The following IFT43 variants were observed in gnomAD, a reference collection of about 807,000 sequenced individuals.
IFT43 encodes intraflagellar transport 43, also known as intraflagellar transport protein 43 homolog.
IFT43 carries 33 observed loss-of-function variants against 32.3 expected under a neutral mutation model. The observed-to-expected ratio is 1.02, with a 90% CI of 0.77 to 1.37. The LOEUF is 1.37. Ranked by LOEUF, IFT43 falls within the 40% of genes most tolerant of loss-of-function variation. The pLI, the probability that IFT43 is intolerant of heterozygous loss-of-function variation, is 0.00. For synonymous variants in IFT43, 93 were observed against 98.2 expected (o/e 0.95, Z 0.31); for missense variants, 274 against 265.9 (o/e 1.03, Z -0.21).
chr14:75,992,505 A>T (rs970035310), intron 2 of IFT43, among the ~76,000 whole-genome samples: 1 of 152,138 alleles, frequency 6.6e-6, no homozygotes, highest in African/African-American at 2.4e-5. Context: ...CTACTCATTT[A>T]TCCATAGGTT....
intron 1 of IFT43, among the ~76,000 whole-genome samples, chr14:75,988,519 T>A (rs1449099102): frequency 2.9e-4 from 1 of 3,508 alleles, no homozygotes; most frequent in African/African-American, 7.9e-3. Context: ...CTTGTCATCT[T>A]TTTTTTTGTT....
In IFT43 at chr14:75,988,927, G is replaced by C; in HGVS notation, c.97G>C (p.Ala33Pro). ...CCGAGCTCAACAGGAGTCAGCGCAGGCCGAGAATCACCTCAATGGCAAGAA... is the reference window on the plus strand; with the variant it reads ...CCGAGCTCAACAGGAGTCAGCGCAGCCCGAGAATCACCTCAATGGCAAGAA... ...GRRAQQESAQ[A>P]ENHLNGKNSS... The change falls in exon 2 of 9, where the codon GCC (alanine) becomes CCC (proline). Residue 33 changes from alanine (A) to proline (P), a missense_variant. Transcript: ENST00000314067. The C allele has an allele frequency of 6.2e-7, 1 of 1,614,042 alleles. No individual in the cohort carries two copies.
intron 5 of IFT43, among the ~76,000 whole-genome samples, chr14:76,075,625 GA>G (rs1346668307): frequency 6.6e-6 from 1 of 152,242 alleles, no homozygotes; most frequent in East Asian, 1.9e-4. Context: ...CACAGGGACA[GA>G]ATTTGCTGAA....
At chr14:76,016,798 T>G (rs1224848707) in intron 2 of IFT43, among the ~76,000 whole-genome samples, 1 of 152,146 alleles carries the variant, frequency 6.6e-6, no homozygotes, top group African/African-American at 2.4e-5. Context: ...TAAGTATTTT[T>G]TTTGTAGCTA....
chr14:76,064,303 T>C (rs1294680455), intron 5 of IFT43, among the ~76,000 whole-genome samples: 1 of 152,246 alleles, frequency 6.6e-6, no homozygotes, highest in Non-Finnish European at 1.5e-5. Context: ...TTACCAGTGC[T>C]AAATTGTCAC....
intron 3 of IFT43, among the ~76,000 whole-genome samples, chr14:76,041,600 A>G (rs1024955179): frequency 1.3e-5 from 2 of 152,228 alleles, no homozygotes; most frequent in Non-Finnish European, 2.9e-5. Flanking sequence ...TAGCTCTTTA[A>G]TGACGTAAAA....
chr14:76,032,838 G>T (rs1196334187), intron 3 of IFT43, among the ~76,000 whole-genome samples: 1 of 152,212 alleles, frequency 6.6e-6, no homozygotes, highest in African/African-American at 2.4e-5. Flanking sequence ...CATTTTGGAG[G>T]TAGAGTTAAT....
chr14:76,016,874 A>C (rs997160213), intron 2 of IFT43, among the ~76,000 whole-genome samples: 7 of 152,146 alleles, frequency 4.6e-5, no homozygotes, highest in Non-Finnish European at 1.0e-4. Context: ...TAAAAACACT[A>C]CTGATTTTTG....
At chr14:76,012,024 T>C (rs2139927170) in intron 2 of IFT43, among the ~76,000 whole-genome samples, 1 of 152,340 alleles carries the variant, frequency 6.6e-6, no homozygotes, top group East Asian at 1.9e-4. Context: ...TAATGTAAGA[T>C]TGAATGTGGG....
chr14:75,998,334 T>A (rs1427621287), intron 2 of IFT43, among the ~76,000 whole-genome samples: 1 of 152,166 alleles, frequency 6.6e-6, no homozygotes, highest in Non-Finnish European at 1.5e-5. Context: ...TGCATGGGAC[T>A]TGTGTATACC....
chr14:76,008,225 A>C (rs1314357890), intron 2 of IFT43, among the ~76,000 whole-genome samples: 1 of 152,158 alleles, frequency 6.6e-6, no homozygotes, highest in Non-Finnish European at 1.5e-5. Context: ...GGGAAGCTGG[A>C]ATAGATAATT....
At chr14:76,030,744 A>G (rs771219281) in intron 3 of IFT43, among the ~76,000 whole-genome samples, 3 of 152,164 alleles carry the variant, frequency 2.0e-5, no homozygotes, top group Non-Finnish European at 4.4e-5. Context: ...CATACAGGTT[A>G]AGATATCAAT....
At chr14:76,024,230 AG>A (rs1484866787) in intron 3 of IFT43, among the ~76,000 whole-genome samples, 1 of 152,148 alleles carries the variant, frequency 6.6e-6, no homozygotes, top group Non-Finnish European at 1.5e-5. Context: ...TCCACATCTC[AG>A]GGATGGTTTC....
intron 5 of IFT43, among the ~76,000 whole-genome samples, chr14:76,074,857 C>A (rs1032564297): frequency 6.6e-6 from 1 of 152,192 alleles, no homozygotes; most frequent in Admixed American, 6.5e-5. Flanking sequence ...AGAAACCAAA[C>A]TCAGTCCAAA....
intron 5 of IFT43, among the ~76,000 whole-genome samples, chr14:76,079,299 A>T (rs185479895): frequency 6.6e-6 from 1 of 152,378 alleles, no homozygotes; most frequent in African/African-American, 2.4e-5. Flanking sequence ...AGGTGGAGCC[A>T]TGTAGTTTCT....
At chr14:76,072,218 G>A (rs943137192) in intron 5 of IFT43, among the ~76,000 whole-genome samples, 12 of 152,144 alleles carry the variant, frequency 7.9e-5, no homozygotes, top group Admixed American at 2.6e-4. Flanking sequence ...AAGAGTGCCC[G>A]TGCTAAATCC....
intron 5 of IFT43, among the ~76,000 whole-genome samples, chr14:76,063,110 A>AAT (rs968525598): frequency 6.6e-6 from 1 of 152,154 alleles, no homozygotes; most frequent in African/African-American, 2.4e-5. Context: ...TTGTTCAATA[A>AAT]GATCTCTACT....
intron 3 of IFT43, among the ~76,000 whole-genome samples, chr14:76,038,360 C>T (rs563216217): frequency 2.6e-4 from 40 of 152,304 alleles, no homozygotes; most frequent in Middle Eastern, 3.4e-3. Context: ...CACCGTCATG[C>T]ATTTTGCCCT....
chr14:76,061,530 G>A (rs1476285821), intron 5 of IFT43, among the ~76,000 whole-genome samples: 2 of 152,032 alleles, frequency 1.3e-5, no homozygotes, highest in Admixed American at 6.5e-5. Flanking sequence ...TTTTTTCTCA[G>A]TGCTTCAACT....
Sources: gnomAD v4.1 joint callset for allele counts (sites outside exome capture counted in the v4.1 genomes callset) on GRCh38, gnomAD v4.1.1 for gene constraint, MANE v1.5 for transcripts, NCBI Gene and HGNC (gene_info 2026-07-23, HGNC 2026-07-21) for gene names.